Variants in DISC1 observed in about 807,000 individuals in gnomAD.
DISC1 encodes disrupted in schizophrenia 1 protein.
In DISC1, 57 loss-of-function variants were observed where a neutral mutation model predicts 84.5. That is an observed-to-expected ratio of 0.67 (90% CI 0.55 to 0.84). DISC1 has a LOEUF of 0.84. DISC1 is among the 40% of genes least tolerant of loss of function. The pLI, the probability that DISC1 is intolerant of heterozygous loss-of-function variation, is 0.00. For synonymous variants in DISC1, 411 were observed against 415.2 expected, an observed-to-expected ratio of 0.99 and a Z score of 0.12; for missense variants, 1,000 against 1,057.8, an observed-to-expected ratio of 0.95 and a Z score of 0.76.
chr1:231,795,439 G>C lies in DISC1; in HGVS notation c.1689+143G>C, dbSNP rs550754985. 5.8e-5 allele frequency: 41 copies of C among 706,804 alleles called. No individual in the cohort carries two copies. In the African/African-American group the frequency reaches 6.8e-4, roughly 12 times the overall value. 43.8% of individuals were successfully genotyped at this position (706,804 alleles called of 1,614,324 possible). ...AGCCATTTTGCAGGCCCAATGATGA[G>C]TTAAAAGAGCCAGGAGAGAGTGCTT... On this transcript the variant is annotated intron_variant, in intron 7 of 12. Transcript: ENST00000439617.
intron 9 of DISC1, among the ~76,000 whole-genome samples, chr1:231,868,691 C>CA (rs1558670081): frequency 1.9e-4 from 17 of 90,226 alleles, no homozygotes; most frequent in African/African-American, 6.6e-4. Context: ...GACCCCATCT[C>CA]TTATATATAT....
At chr1:231,926,373 C>A (rs2090359510) in intron 9 of DISC1, among the ~76,000 whole-genome samples, 1 of 152,040 alleles carries the variant, frequency 6.6e-6, no homozygotes, top group Non-Finnish European at 1.5e-5. Flanking sequence ...GTATAATATA[C>A]AAAATTCTGG....
chr1:231,921,808 CTTT>C (rs11288115), intron 9 of DISC1, among the ~76,000 whole-genome samples: 3 of 120,220 alleles, frequency 2.5e-5, no homozygotes, highest in Admixed American at 9.2e-5. Flanking sequence ...CACTAGTTAC[CTTT>C]TTTTTTTTTT....
chr1:231,799,591 G>C (rs541711045), intron 7 of DISC1, among the ~76,000 whole-genome samples: 1 of 152,022 alleles, frequency 6.6e-6, no homozygotes, highest in East Asian at 2.0e-4. Context: ...CAGCGACTGA[G>C]CAGTCTGGAA....
chr1:231,914,973 CA>C (rs763502024), intron 9 of DISC1, among the ~76,000 whole-genome samples: 137 of 152,254 alleles, frequency 9.0e-4, no homozygotes, highest in Non-Finnish European at 5.9e-4. Context: ...GGTGAGGCAA[CA>C]AGGAGTTGGT....
chr1:231,824,876 A>G (rs1182480360), intron 9 of DISC1, among the ~76,000 whole-genome samples: 1 of 29,380 alleles, frequency 3.4e-5, no homozygotes, highest in African/African-American at 1.1e-4. Context: ...TTGCATTTCT[A>G]TCCATCCATC....
chr1:231,803,490 C>T (rs1466849339), intron 8 of DISC1, among the ~76,000 whole-genome samples: 1 of 152,144 alleles, frequency 6.6e-6, no homozygotes, highest in Non-Finnish European at 1.5e-5. Flanking sequence ...CTGCAGTCGT[C>T]TAAAGGCTTG....
intron 3 of DISC1, among the ~76,000 whole-genome samples, chr1:231,711,891 A>G (rs577838950): frequency 3.0e-4 from 46 of 152,316 alleles, no homozygotes; most frequent in Non-Finnish European, 6.3e-4. Context: ...AGATACCCAC[A>G]TCCTACTCCT....
chr1:231,734,799 A>G (rs932241853), intron 3 of DISC1, among the ~76,000 whole-genome samples: 45 of 152,314 alleles, frequency 3.0e-4, no homozygotes, highest in African/African-American at 1.1e-3. Flanking sequence ...ATCATCTCCA[A>G]AGGTTTGTTT....
intron 1 of DISC1, among the ~76,000 whole-genome samples, chr1:231,683,417 C>T (rs769517818): frequency 4.9e-5 from 7 of 143,474 alleles, no homozygotes; most frequent in Non-Finnish European, 1.1e-4. Context: ...TTAAAAGATA[C>T]CACCATGATT....
chr1:231,656,392 T>A (rs2061072615), intron 1 of DISC1, among the ~76,000 whole-genome samples: 1 of 152,200 alleles, frequency 6.6e-6, no homozygotes, highest in Admixed American at 6.5e-5. Context: ...ATCAGTTGGT[T>A]GTAACTATTT....
At chr1:231,702,663 C>A in intron 3 of DISC1, 1 of 958,312 alleles carries the variant, frequency 1.0e-6, no homozygotes, top group Non-Finnish European at 1.2e-6. Flanking sequence ...ACAAAAAAAC[C>A]AATTAAAATG....
chr1:231,779,689 A>G (rs1458735547), intron 6 of DISC1, among the ~76,000 whole-genome samples: 2 of 151,176 alleles, frequency 1.3e-5, no homozygotes, highest in Non-Finnish European at 2.9e-5. Flanking sequence ...CCGCCGGAGT[A>G]GCTGGGACTA....
chr1:231,974,655 A>G (rs536846980), intron 10 of DISC1, among the ~76,000 whole-genome samples: 5 of 152,188 alleles, frequency 3.3e-5, no homozygotes, highest in African/African-American at 1.2e-4. Flanking sequence ...TCTTATACCC[A>G]CACTTAATTT....
At chr1:231,888,257 C>T (rs896587039) in intron 9 of DISC1, among the ~76,000 whole-genome samples, 3 of 152,056 alleles carry the variant, frequency 2.0e-5, no homozygotes, top group East Asian at 1.9e-4. Flanking sequence ...AACTGCACGG[C>T]GTCTGGAAGG....
intron 3 of DISC1, among the ~76,000 whole-genome samples, chr1:231,739,180 G>T (rs2125249036): frequency 6.6e-6 from 1 of 152,284 alleles, no homozygotes; most frequent in African/African-American, 2.4e-5. Context: ...TCACCTGTGA[G>T]TTTGCATATT....
At chr1:231,726,784 G>A (rs1176612058) in intron 3 of DISC1, among the ~76,000 whole-genome samples, 1 of 152,164 alleles carries the variant, frequency 6.6e-6, no homozygotes, top group Non-Finnish European at 1.5e-5. Flanking sequence ...TTCAGGAAGT[G>A]GTTTTAGAAT....
intron 10 of DISC1, among the ~76,000 whole-genome samples, chr1:232,000,910 A>T (rs751487589): frequency 5.3e-5 from 8 of 152,180 alleles, no homozygotes; most frequent in Non-Finnish European, 7.3e-5. Flanking sequence ...ATTTGTTGTT[A>T]GCAGATTAAA....
At chr1:231,693,036 C>G (rs528998238) in intron 1 of DISC1, among the ~76,000 whole-genome samples, 20 of 152,180 alleles carry the variant, frequency 1.3e-4, no homozygotes, top group Non-Finnish European at 2.2e-4. Flanking sequence ...CTCACAACCA[C>G]CTTATGAGAG....
Sources: allele counts gnomAD v4.1 joint callset (sites outside exome capture counted in the v4.1 genomes callset), GRCh38; gene constraint gnomAD v4.1.1; transcripts MANE v1.5; gene names NCBI Gene and HGNC (gene_info 2026-07-23, HGNC 2026-07-21).